Variants in OR9Q1 observed in about 807,000 individuals in gnomAD.
OR9Q1 encodes olfactory receptor family 9 subfamily Q member 1, also known as olfactory receptor 9Q1.
For synonymous variants in OR9Q1, 153 were observed against 148.6 expected (o/e 1.03, Z -0.22); for missense variants, 374 against 378.8 (o/e 0.99, Z 0.11).
At chr11:58,080,503 A>G (rs1400472776) in intron 2 of OR9Q1, among the ~76,000 whole-genome samples, 4 of 152,134 alleles carry the variant, frequency 2.6e-5, no homozygotes, top group Non-Finnish European at 5.9e-5. Flanking sequence ...TTGGGTAGAT[A>G]CCTAATAGTG....
intron 1 of OR9Q1, among the ~76,000 whole-genome samples, chr11:58,037,517 T>G (rs1057300948): frequency 6.6e-6 from 1 of 151,504 alleles, no homozygotes; most frequent in Non-Finnish European, 1.5e-5. Context: ...CTGGGTTATG[T>G]AGTTTTCATT....
At chr11:58,103,603 T>A (rs1590591529) in intron 2 of OR9Q1, among the ~76,000 whole-genome samples, 1 of 152,334 alleles carries the variant, frequency 6.6e-6, no homozygotes, top group East Asian at 1.9e-4. Context: ...TTTTTTGAGA[T>A]CTGCTAAGGG....
At chr11:58,048,166 A>G (rs938297195) in intron 1 of OR9Q1, among the ~76,000 whole-genome samples, 7 of 152,150 alleles carry the variant, frequency 4.6e-5, no homozygotes, top group African/African-American at 1.7e-4. Context: ...CGAATTACTT[A>G]GCATCCTTCT....
At chr11:58,111,886 G>T (rs989598916) in intron 2 of OR9Q1, among the ~76,000 whole-genome samples, 1 of 224 alleles carries the variant, frequency 4.5e-3, no homozygotes, top group East Asian at 0.1. Context: ...GTCCTTTTTG[G>T]GGGGGGTGGG....
chr11:58,055,210 C>A (rs1226563167), intron 1 of OR9Q1, among the ~76,000 whole-genome samples: 11 of 152,026 alleles, frequency 7.2e-5, no homozygotes. Context: ...AAATTAAATG[C>A]ATTAATACAT....
intron 1 of OR9Q1, among the ~76,000 whole-genome samples, chr11:58,038,436 G>A (rs1304321243): frequency 1.3e-5 from 2 of 152,310 alleles, no homozygotes; most frequent in East Asian, 1.9e-4. Flanking sequence ...ATTGTCATAT[G>A]AAGGATTAAC....
At chr11:58,093,246 AAATATTT>A (rs1257144396) in intron 2 of OR9Q1, among the ~76,000 whole-genome samples, 1 of 152,186 alleles carries the variant, frequency 6.6e-6, no homozygotes, top group Non-Finnish European at 1.5e-5. Context: ...TTTGAATTTA[AAATATTT>A]ACAAACTATG....
intron 1 of OR9Q1, chr11:58,026,943 G>A (rs1466626191): frequency 6.6e-6 from 1 of 152,070 alleles, no homozygotes; most frequent in Admixed American, 6.6e-5. Flanking sequence ...CAATCTATTT[G>A]ACAACTTGAA....
intron 1 of OR9Q1, among the ~76,000 whole-genome samples, chr11:58,028,183 T>C (rs1852993987): frequency 6.6e-6 from 1 of 151,992 alleles, no homozygotes; most frequent in Non-Finnish European, 1.5e-5. Flanking sequence ...GGCCTCAGGA[T>C]GGATGTTGGG....
At chr11:58,157,414 C>T (rs1420410798) in intron 2 of OR9Q1, among the ~76,000 whole-genome samples, 1 of 152,182 alleles carries the variant, frequency 6.6e-6, no homozygotes, top group Non-Finnish European at 1.5e-5. Flanking sequence ...TATTCAATAA[C>T]TGTCTATTTC....
chr11:58,027,539 T>G, intron 1 of OR9Q1, among the ~76,000 whole-genome samples: 1 of 151,768 alleles, frequency 6.6e-6, no homozygotes, highest in East Asian at 1.9e-4. Flanking sequence ...CTCATAAAGC[T>G]TAAACTATTT....
At chr11:58,070,694 G>A (rs930956980) in intron 2 of OR9Q1, among the ~76,000 whole-genome samples, 4 of 152,206 alleles carry the variant, frequency 2.6e-5, no homozygotes, top group Non-Finnish European at 5.9e-5. Context: ...GTCATCTCTT[G>A]CCCTGTACAG....
intron 2 of OR9Q1, among the ~76,000 whole-genome samples, chr11:58,147,819 G>A (rs1254992234): frequency 6.6e-6 from 1 of 152,052 alleles, no homozygotes; most frequent in Non-Finnish European, 1.5e-5. Context: ...TCTGTGCTGA[G>A]TTTTCACTTA....
chr11:58,172,996 T>C (rs1362279195), intron 2 of OR9Q1, among the ~76,000 whole-genome samples: 1 of 152,164 alleles, frequency 6.6e-6, no homozygotes, highest in Non-Finnish European at 1.5e-5. Flanking sequence ...TAATGATTTC[T>C]GTCTAGTAAA....
chr11:58,029,305 C>G (rs1333009099), intron 1 of OR9Q1, among the ~76,000 whole-genome samples: 1 of 152,154 alleles, frequency 6.6e-6, no homozygotes, highest in East Asian at 1.9e-4. Flanking sequence ...TCCTCTCCAC[C>G]TAGGCCTTTC....
chr11:58,083,513 G>A (rs1853608340), intron 2 of OR9Q1, among the ~76,000 whole-genome samples: 1 of 151,712 alleles, frequency 6.6e-6, no homozygotes, highest in Non-Finnish European at 1.5e-5. Context: ...GTTGTTTTGA[G>A]GACTGAGTCA....
At position 58,054,647 on chromosome 11, in the gene OR9Q1, G is replaced by A. The variant is rs116517385; in HGVS notation, c.-92-1223G>A. ...ATACTTGTGGCATAAAAATGCATGC[G>A]TTGAGGCCAGGTGTGGCGGCTCATG... is the stretch of plus-strand genomic sequence containing the variant. On this transcript the variant is annotated intron_variant, in intron 1 of 2. Transcript: ENST00000335397. Among the ~76,000 whole-genome samples, 854 of 152,314 alleles carry A rather than the reference G, an allele frequency of 5.6e-3. 9 individuals carry two copies. The highest frequency in any genetic ancestry group is 0.02 in the African/African-American group (816 of 41,564).
intron 2 of OR9Q1, among the ~76,000 whole-genome samples, chr11:58,092,913 G>A (rs61904049): frequency 0.17 from 26,241 of 152,092 alleles, 2,395 homozygotes; most frequent in Non-Finnish European, 0.21. Flanking sequence ...ACACTTCTCC[G>A]GTCCTGTGGA....
At chr11:58,092,881 G>T (rs1444381698) in intron 2 of OR9Q1, among the ~76,000 whole-genome samples, 1 of 152,194 alleles carries the variant, frequency 6.6e-6, no homozygotes, top group Non-Finnish European at 1.5e-5. Context: ...GTTAGTTACA[G>T]AGTCATATTT....
Sources: allele counts gnomAD v4.1 joint callset (sites outside exome capture counted in the v4.1 genomes callset), GRCh38; gene constraint gnomAD v4.1.1; transcripts MANE v1.5; gene names NCBI Gene and HGNC (gene_info 2026-07-23, HGNC 2026-07-21).